The following ADAMTSL3 variants were observed in gnomAD, a reference collection of about 807,000 sequenced individuals.
ADAMTSL3 encodes ADAMTS-like protein 3.
In ADAMTSL3, 128 loss-of-function variants were observed where a neutral mutation model predicts 201.7. That is an observed-to-expected ratio of 0.63 (90% CI 0.55 to 0.73). The LOEUF (loss-of-function observed/expected upper bound fraction) is 0.73, where lower values mean the gene tolerates loss of function less well. Among genes scored for constraint, ADAMTSL3 ranks in the 30% least tolerant of loss-of-function variants. ADAMTSL3 has a pLI of 0.00. For missense variants in ADAMTSL3, 1,990 were observed against 2,119.6 expected, an observed-to-expected ratio of 0.94 and a Z score of 1.20; for synonymous variants, 738 against 748.4, an observed-to-expected ratio of 0.99 and a Z score of 0.23.
chr15:83,676,454 G>A (rs538831956), intron 2 of ADAMTSL3, among the ~76,000 whole-genome samples: 27 of 152,126 alleles, frequency 1.8e-4, no homozygotes, highest in South Asian at 1.0e-3. Context: ...TGAGGTGGGC[G>A]GATCATGAGG....
chr15:83,881,914 G>A (rs2065279960), intron 9 of ADAMTSL3, among the ~76,000 whole-genome samples: 1 of 151,860 alleles, frequency 6.6e-6, no homozygotes, highest in Non-Finnish European at 1.5e-5. Flanking sequence ...AGCACTTTGG[G>A]AAGCGGAGGT....
At chr15:83,864,199 T>C (rs1456728447) in intron 8 of ADAMTSL3, among the ~76,000 whole-genome samples, 1 of 152,230 alleles carries the variant, frequency 6.6e-6, no homozygotes, top group Non-Finnish European at 1.5e-5. Flanking sequence ...GAGGAGCTGG[T>C]ACCATTCCTT....
In ADAMTSL3 at chr15:83,969,915, A is replaced by G. The variant is rs931215786; in HGVS notation, c.2491-569A>G. Among the ~76,000 whole-genome samples the G allele has an allele frequency of 3.3e-5, 5 of 152,338 alleles. No individual in the cohort carries two copies. In the East Asian group the frequency reaches 7.7e-4, roughly 23 times the overall value. ...TAGTCATAAATAAACAAAACAAAACAAACAGGCAACAAAAAACAAAAGGGA... is the reference window on the plus strand; with the variant it reads ...TAGTCATAAATAAACAAAACAAAACGAACAGGCAACAAAAAACAAAAGGGA... On this transcript the variant is annotated intron_variant, in intron 19 of 29. Coordinates refer to ENST00000286744, the MANE Select transcript of ADAMTSL3 (RefSeq NM_207517.3).
In ADAMTSL3 at chr15:84,039,698, C is replaced by T. The variant is rs1364608988; in HGVS notation, c.*1892C>T. 2 of 152,512 alleles carry T rather than the reference C, an allele frequency of 1.3e-5. No individual in the cohort carries two copies. Among genetic ancestry groups the T allele is most frequent in the Non-Finnish European group, 2.9e-5 (2 of 68,020 alleles). 9.4% of individuals were successfully genotyped at this position (152,512 alleles called of 1,614,324 possible). On this transcript the variant is annotated 3_prime_UTR_variant, in exon 30 of 30. Transcript: ENST00000286744. ...TTACTATTTTTCATTTGCTATTGTA[C>T]TTTCATTGTTGTCATTCAATTGACA...
At position 84,014,624 on chromosome 15, in the gene ADAMTSL3, G is replaced by A. The variant is rs767485469; in HGVS notation, c.4056G>A (p.Leu1352=). The A allele has an allele frequency of 1.2e-6, 2 of 1,613,460 alleles. No homozygotes were observed. Among genetic ancestry groups the A allele is most frequent in the African/African-American group, 1.3e-5 (1 of 74,886 alleles). ...GNVSLLFNGS[L]LLQNVSLENE... ...TTTCCTTGCTTTTCAATGGATCCCT[G>A]TTGTTGCAGAATGTTTCCCTTGAAA... Residue 1352 remains leucine (L), a synonymous_variant, in exon 24 of 30, where the codon CTG becomes CTA. Coordinates refer to ENST00000286744, the MANE Select transcript of ADAMTSL3 (RefSeq NM_207517.3).
At chr15:83,998,028 G>GA (rs746207651) in intron 23 of ADAMTSL3, among the ~76,000 whole-genome samples, 214 of 130,442 alleles carry the variant, frequency 1.6e-3, no homozygotes, top group African/African-American at 1.6e-3. Flanking sequence ...AATCTAGGAA[G>GA]AAAAAAAAAA....
intron 21 of ADAMTSL3, among the ~76,000 whole-genome samples, chr15:83,987,164 AACTAT>A (rs2067495405): frequency 6.6e-6 from 1 of 152,356 alleles, no homozygotes; most frequent in Non-Finnish European, 1.5e-5. Flanking sequence ...GCTTTTAACC[AACTAT>A]TTCTCCTCCA....
chr15:83,776,062 G>A (rs1262059488), intron 4 of ADAMTSL3, among the ~76,000 whole-genome samples: 1 of 152,214 alleles, frequency 6.6e-6, no homozygotes, highest in African/African-American at 2.4e-5. Flanking sequence ...TGCTGCAGCT[G>A]TTCTCTCAGC....
chr15:83,737,772 C>T (rs977338375), intron 3 of ADAMTSL3, among the ~76,000 whole-genome samples: 6 of 152,002 alleles, frequency 3.9e-5, no homozygotes, highest in South Asian at 2.1e-4. Context: ...ATACATACCC[C>T]GATACATCGT....
Position 83,678,748 on chromosome 15 carries a change from A to G in ADAMTSL3, c.69+22918A>G, listed in dbSNP as rs1374131264. Among the ~76,000 whole-genome samples, 4 of 143,946 alleles carry G rather than the reference A, an allele frequency of 2.8e-5. No homozygotes were observed. The East Asian group carries it at 5.9e-4, about 21-fold the overall frequency. The allele number at this position is 143,946 out of a possible 152,430, so 94.4% of individuals were successfully genotyped here. On this transcript the variant is annotated intron_variant, in intron 2 of 29. Coordinates refer to ENST00000286744, the MANE Select transcript of ADAMTSL3 (RefSeq NM_207517.3). ...AATATATATATTGCCTAATATATAT[A>G]TTATATATATATTGTGTATATATAT...
intron 4 of ADAMTSL3, among the ~76,000 whole-genome samples, chr15:83,803,865 G>T (rs1362032716): frequency 1.3e-5 from 2 of 152,156 alleles, no homozygotes; most frequent in Non-Finnish European, 2.9e-5. Flanking sequence ...AAAATAGACC[G>T]GCTGCAGTAG....
At chr15:83,857,880 T>C (rs76087631) in intron 7 of ADAMTSL3, among the ~76,000 whole-genome samples, 35 of 152,326 alleles carry the variant, frequency 2.3e-4, no homozygotes, top group African/African-American at 7.9e-4. Context: ...AATGTTCTAG[T>C]TTCATTTAGA....
At chr15:83,726,080 G>A (rs1475921020) in intron 3 of ADAMTSL3, among the ~76,000 whole-genome samples, 7 of 151,868 alleles carry the variant, frequency 4.6e-5, no homozygotes, top group East Asian at 1.9e-4. Flanking sequence ...TTGCATCAAC[G>A]TTTCGTCGTT....
At chr15:83,872,651 A>G (rs1356533510) in intron 9 of ADAMTSL3, among the ~76,000 whole-genome samples, 2 of 102,696 alleles carry the variant, frequency 1.9e-5, no homozygotes, top group Admixed American at 2.0e-4. Context: ...TCTTTTAATT[A>G]CTACTCAGAG....
intron 2 of ADAMTSL3, among the ~76,000 whole-genome samples, chr15:83,660,021 G>A (rs975660366): frequency 2.0e-5 from 3 of 152,150 alleles, no homozygotes; most frequent in African/African-American, 7.2e-5. Flanking sequence ...CTAAATTTGT[G>A]GTAATTTGTT....
intron 28 of ADAMTSL3, among the ~76,000 whole-genome samples, chr15:84,035,286 G>T (rs2068484528): frequency 6.6e-6 from 1 of 152,172 alleles, no homozygotes; most frequent in Non-Finnish European, 1.5e-5. Context: ...AAGGGTGAGG[G>T]ATTTATTAAT....
At chr15:83,998,612 G>T (rs1178293940) in intron 23 of ADAMTSL3, among the ~76,000 whole-genome samples, 1 of 152,130 alleles carries the variant, frequency 6.6e-6, no homozygotes, top group East Asian at 1.9e-4. Context: ...ACTTTGAGGG[G>T]ATTTGAACAG....
intron 6 of ADAMTSL3, among the ~76,000 whole-genome samples, chr15:83,823,174 A>G (rs1341401614): frequency 3.0e-5 from 3 of 98,946 alleles, no homozygotes; most frequent in Admixed American, 1.4e-4. Flanking sequence ...TTGGCATCAG[A>G]GGGAGACCGT....
chr15:83,950,998 CT>C (rs1027614286), intron 19 of ADAMTSL3, among the ~76,000 whole-genome samples: 14 of 145,060 alleles, frequency 9.7e-5, no homozygotes, highest in African/African-American at 3.0e-4. Flanking sequence ...TATTTCTTTT[CT>C]TTTCTTTTTT....
Sources: allele counts gnomAD v4.1 joint callset (sites outside exome capture counted in the v4.1 genomes callset), GRCh38; gene constraint gnomAD v4.1.1; transcripts MANE v1.5; gene names NCBI Gene and HGNC (gene_info 2026-07-23, HGNC 2026-07-21).